OPRM1: variants seen among roughly 807,000 people sequenced by gnomAD.
The protein encoded by OPRM1 is mu-type opioid receptor.
A neutral mutation model predicts 31.8 loss-of-function variants in OPRM1; 27 were observed. The observed-to-expected ratio is 0.85, with a 90% CI of 0.63 to 1.17. OPRM1 has a LOEUF of 1.17. OPRM1 is among the 50% of genes most tolerant of loss of function. The pLI is 0.00. For missense variants in OPRM1, 536 were observed against 511.1 expected (o/e 1.05, Z -0.47); for synonymous variants, 196 against 189.9 (o/e 1.03, Z -0.26).
rs1345259490 is a variant in OPRM1 at position 154,168,445 on chromosome 6, C to T, written c.1164+76973C>T. On this transcript the variant is annotated intron_variant, in intron 3 of 3. Coordinates refer to the OPRM1 transcript ENST00000337049. The surrounding 1 kb of genome is among the most constrained non-coding windows in gnomAD (Gnocchi z 4.1). The stretch of plus-strand genomic sequence containing the variant: ...GCATGTCTCTGTGTCCAAACTCCCC[C>T]TATTTATGAGGGTATCAGTCATGTT... 6.6e-6 allele frequency among the ~76,000 whole-genome samples: 1 copy of T among 152,140 alleles called. No individual in the cohort carries two copies.
chr6:154,097,268 A>C (rs1046508856), intron 3 of OPRM1, among the ~76,000 whole-genome samples: 2 of 152,210 alleles, frequency 1.3e-5, no homozygotes, highest in Non-Finnish European at 2.9e-5. Context: ...TGACATTTTA[A>C]TCAAAATAGC....
chr6:154,066,378 C>A (rs1445021373), intron 1 of OPRM1, among the ~76,000 whole-genome samples: 1 of 151,914 alleles, frequency 6.6e-6, no homozygotes, highest in Non-Finnish European at 1.5e-5. Flanking sequence ...GTACAATTCA[C>A]CAATGAAGCC....
upstream of OPRM1, among the ~76,000 whole-genome samples, chr6:154,035,266 G>A (rs1246737251): frequency 1.3e-5 from 2 of 151,876 alleles, no homozygotes; most frequent in Admixed American, 6.6e-5. Flanking sequence ...CTTTGTTTTA[G>A]GTTTATTGGG....
At chr6:154,237,879 T>C (rs184103057) in intron 3 of OPRM1, among the ~76,000 whole-genome samples, 113 of 152,318 alleles carry the variant, frequency 7.4e-4, no homozygotes, top group African/African-American at 2.5e-3. Context: ...TCAATACTTA[T>C]ACATTTATGC....
intron 3 of OPRM1, chr6:154,094,279 A>G (rs1345168284): frequency 1.1e-5 from 14 of 1,223,114 alleles, no homozygotes; most frequent in Non-Finnish European, 1.5e-5. Context: ...GGCAATTTCC[A>G]TACAGCGCAA....
At chr6:154,150,068 A>G (rs568200096) in intron 3 of OPRM1, among the ~76,000 whole-genome samples, 1 of 152,336 alleles carries the variant, frequency 6.6e-6, no homozygotes, top group Admixed American at 6.5e-5. Context: ...CAATTGTTTG[A>G]GTTTTTCCCC....
chr6:154,125,161 A>G lies in OPRM1; in HGVS notation c.*6440A>G, dbSNP rs1797516272. ...CAGCCCAAAATATTTCAGGGTAAGA[A>G]TAGATATATTTATATTTTTCAGATG... On this transcript the variant is annotated 3_prime_UTR_variant, in exon 4 of 4. Coordinates refer to ENST00000330432, the MANE Select transcript of OPRM1 (RefSeq NM_000914.5). Among the ~76,000 whole-genome samples, 1 of 152,240 alleles carries G rather than the reference A, an allele frequency of 6.6e-6. No homozygotes were observed. The highest frequency in any genetic ancestry group is 1.5e-5 in the Non-Finnish European group (1 of 68,038).
intron 3 of OPRM1, among the ~76,000 whole-genome samples, chr6:154,224,566 C>T (rs926696007): frequency 2.6e-5 from 4 of 152,036 alleles, no homozygotes; most frequent in African/African-American, 9.7e-5. Context: ...AAAATATTAG[C>T]TGGTCATGGT....
At chr6:154,047,272 G>A (rs1781300141) in intron 1 of OPRM1, among the ~76,000 whole-genome samples, 1 of 151,600 alleles carries the variant, frequency 6.6e-6, no homozygotes, top group Non-Finnish European at 1.5e-5. Context: ...ACTGCACTGG[G>A]AGGCCCAAGC....
chr6:154,083,943 CAAAAAAA>C (rs57976654), intron 1 of OPRM1, among the ~76,000 whole-genome samples: 10 of 35,152 alleles, frequency 2.8e-4, no homozygotes, highest in African/African-American at 5.5e-4. Flanking sequence ...GACTCCGTCT[CAAAAAAA>C]AAAAAAAAAA....
At chr6:154,112,756 T>G (rs571804971) in intron 3 of OPRM1, among the ~76,000 whole-genome samples, 6 of 152,320 alleles carry the variant, frequency 3.9e-5, no homozygotes, top group African/African-American at 1.4e-4. Flanking sequence ...TGAACTTAAA[T>G]TTTTATACGA....
In OPRM1 at chr6:154,043,439, C is replaced by T. The variant is rs550250823; in HGVS notation, c.290+3605C>T. On this transcript the variant is annotated intron_variant, in intron 1 of 3. Coordinates refer to ENST00000330432, the MANE Select transcript of OPRM1 (RefSeq NM_000914.5). ...AATGATCAGTTATACTTGATTGAAA[C>T]AGAAGTATAAGCTTTTAAACTTAAT... is the stretch of plus-strand genomic sequence containing the variant. Among the ~76,000 whole-genome samples, 154 of 151,944 alleles carry T rather than the reference C, an allele frequency of 1.0e-3. 2 individuals are homozygous for T. The South Asian group carries it at 0.031, about 31-fold the overall frequency.
In OPRM1 at chr6:154,195,312, T is replaced by C. The variant is rs1457994360; in HGVS notation, c.1165-51381T>C. Among the ~76,000 whole-genome samples the C allele has an allele frequency of 2.0e-5, 3 of 151,958 alleles. No individual in the cohort carries two copies. The South Asian group carries it at 6.2e-4, about 32-fold the overall frequency. ...ACAGGCGCCCGCCACCACACCTGGC[T>C]AATTTTTTGTGTTTTTAATAGAGAT... On this transcript the variant is annotated intron_variant, in intron 3 of 3. Coordinates refer to the OPRM1 transcript ENST00000337049.
At chr6:154,237,537 A>AT (rs1231349376) in intron 3 of OPRM1, among the ~76,000 whole-genome samples, 3 of 152,152 alleles carry the variant, frequency 2.0e-5, no homozygotes, top group East Asian at 1.9e-4. Flanking sequence ...CATTCCTTTG[A>AT]TTTTTTAAAT....
At chr6:154,181,007 T>C (rs1800825198) in intron 3 of OPRM1, among the ~76,000 whole-genome samples, 1 of 152,118 alleles carries the variant, frequency 6.6e-6, no homozygotes, top group South Asian at 2.1e-4. Flanking sequence ...TTTGGGTATT[T>C]TGCATACCCT....
At chr6:154,117,858 G>GGTGTGTGTGT (rs60794328) in intron 3 of OPRM1, among the ~76,000 whole-genome samples, 43,997 of 145,408 alleles carry the variant, frequency 0.3, 7,577 homozygotes, top group Non-Finnish European at 0.39. Context: ...TTAAAAAGAT[G>GGTGTGTGTGT]GTGTGTGTGT....
intron 3 of OPRM1, among the ~76,000 whole-genome samples, chr6:154,190,241 C>G (rs1801751970): frequency 6.6e-6 from 1 of 151,942 alleles, no homozygotes; most frequent in African/African-American, 2.4e-5. Flanking sequence ...TTCATATACA[C>G]ACACATACAA....
At chr6:154,116,623 C>A (rs1412563972) in intron 3 of OPRM1, among the ~76,000 whole-genome samples, 5 of 151,318 alleles carry the variant, frequency 3.3e-5, no homozygotes, top group African/African-American at 1.2e-4. Context: ...AAAGAAAAAT[C>A]TTCTTGGATT....
At chr6:154,116,570 A>AC (rs1359268217) in intron 3 of OPRM1, among the ~76,000 whole-genome samples, 1 of 150,464 alleles carries the variant, frequency 6.6e-6, no homozygotes, top group Admixed American at 6.6e-5. Flanking sequence ...GGGTGACAGA[A>AC]CGAGACTCTG....
Sources: allele counts gnomAD v4.1 joint callset (sites outside exome capture counted in the v4.1 genomes callset), GRCh38; gene constraint gnomAD v4.1.1; non-coding constraint Gnocchi (gnomAD v3.1); transcripts MANE v1.5; gene names NCBI Gene and HGNC (gene_info 2026-07-23, HGNC 2026-07-21).